The following SNTG1 variants were observed in gnomAD, a reference collection of about 807,000 sequenced individuals.
SNTG1 encodes syntrophin gamma 1.
In SNTG1, 39 loss-of-function variants were observed where a neutral mutation model predicts 74.7. That is an observed-to-expected ratio of 0.52 (90% CI 0.40 to 0.68). SNTG1 has a LOEUF of 0.68. SNTG1 is among the 30% of genes least tolerant of loss of function. The pLI, the probability that SNTG1 is intolerant of heterozygous loss-of-function variation, is 0.00. For missense variants in SNTG1, 685 were observed against 609.5 expected, an observed-to-expected ratio of 1.12 and a Z score of -1.30; for synonymous variants, 254 against 217.1, an observed-to-expected ratio of 1.17 and a Z score of -1.49.
At chr8:50,704,205 A>G (rs967822415) in intron 15 of SNTG1, among the ~76,000 whole-genome samples, 2 of 152,174 alleles carry the variant, frequency 1.3e-5, no homozygotes, top group African/African-American at 4.8e-5. Context: ...TTGCTTATAA[A>G]GTTCCTTAAA....
intron 18 of SNTG1, among the ~76,000 whole-genome samples, chr8:50,780,258 G>C (rs6473368): frequency 6.6e-6 from 1 of 151,920 alleles, no homozygotes; most frequent in Non-Finnish European, 1.5e-5. Flanking sequence ...CTATTGGTTG[G>C]AATAGTTTCA....
At chr8:50,326,128 C>T (rs1056591207) in intron 2 of SNTG1, among the ~76,000 whole-genome samples, 5 of 151,908 alleles carry the variant, frequency 3.3e-5, no homozygotes, top group African/African-American at 1.2e-4. Flanking sequence ...TATTTGCTGT[C>T]ATTTTGTTCA....
chr8:50,700,366 G>T (rs1271742578), intron 15 of SNTG1, among the ~76,000 whole-genome samples: 4 of 152,162 alleles, frequency 2.6e-5, no homozygotes, highest in African/African-American at 4.8e-5. Flanking sequence ...TAGTGTCAAT[G>T]ATTTTAGATG....
At chr8:50,674,842 C>G (rs1317671716) in intron 15 of SNTG1, among the ~76,000 whole-genome samples, 1 of 152,010 alleles carries the variant, frequency 6.6e-6, no homozygotes, top group East Asian at 1.9e-4. Flanking sequence ...TTAGCTATGT[C>G]CCAGAGATTC....
intron 15 of SNTG1, among the ~76,000 whole-genome samples, chr8:50,702,890 T>G (rs552748629): frequency 6.6e-6 from 1 of 152,148 alleles, no homozygotes; most frequent in African/African-American, 2.4e-5. Context: ...TTTAAACACA[T>G]CTACACATAG....
intron 2 of SNTG1, among the ~76,000 whole-genome samples, chr8:50,284,918 A>T (rs1586956454): frequency 6.6e-6 from 1 of 151,792 alleles, no homozygotes; most frequent in African/African-American, 2.4e-5. Context: ...ATCAATGTTT[A>T]TTTTTTTTAC....
intron 2 of SNTG1, among the ~76,000 whole-genome samples, chr8:50,181,587 T>C (rs1373432869): frequency 6.6e-6 from 1 of 152,198 alleles, no homozygotes; most frequent in Non-Finnish European, 1.5e-5. Flanking sequence ...CAACAAGTTA[T>C]TTTGAGTATT....
At chr8:50,459,598 G>A (rs1447319497) in intron 8 of SNTG1, among the ~76,000 whole-genome samples, 1 of 152,016 alleles carries the variant, frequency 6.6e-6, no homozygotes, top group Non-Finnish European at 1.5e-5. Context: ...ATGTTGCTGA[G>A]GTTTTGGGTA....
intron 2 of SNTG1, among the ~76,000 whole-genome samples, chr8:50,194,883 T>A (rs1403208405): frequency 6.6e-6 from 1 of 152,074 alleles, no homozygotes; most frequent in Non-Finnish European, 1.5e-5. Context: ...TGTCATTCAG[T>A]TCGAAGAATT....
chr8:50,549,047 G>C (rs935588414), intron 11 of SNTG1, among the ~76,000 whole-genome samples: 3 of 152,172 alleles, frequency 2.0e-5, no homozygotes, highest in African/African-American at 7.2e-5. Context: ...GAGTACTGGG[G>C]AGAAAGACGC....
chr8:50,385,751 G>C lies in SNTG1; in HGVS notation c.-27-8461G>C, dbSNP rs547889453. 1.3e-4 allele frequency among the ~76,000 whole-genome samples: 20 copies of C among 152,228 alleles called. No individual in the cohort carries two copies. In the East Asian group the frequency reaches 2.7e-3, roughly 21 times the overall value. Reference sequence around the variant, plus strand: ...GACAGGAATGGAGAAAAAGGGATTTGGCAGGTCAATAGCTGCATGCCAGGT... The same window carrying C: ...GACAGGAATGGAGAAAAAGGGATTTCGCAGGTCAATAGCTGCATGCCAGGT... On this transcript the variant is annotated intron_variant, in intron 2 of 18. Transcript: ENST00000642720.
In SNTG1 at chr8:49,983,054, T is replaced by A. The variant is rs1054147665; in HGVS notation, c.-103+70823T>A. Among the ~76,000 whole-genome samples the A allele has an allele frequency of 2.0e-5, 3 of 152,212 alleles. 1 individual carries two copies. The highest frequency in any genetic ancestry group is 7.2e-5 in the African/African-American group (3 of 41,462). On this transcript the variant is annotated intron_variant, in intron 1 of 18. Coordinates refer to ENST00000642720, the MANE Select transcript of SNTG1 (RefSeq NM_018967.5). Reference sequence around the variant, plus strand: ...CCTTTATAAATGCAGTTTCCTCTCATCCCTACCCAAAGGATGCTTCAGGAA... The same window carrying A: ...CCTTTATAAATGCAGTTTCCTCTCAACCCTACCCAAAGGATGCTTCAGGAA...
chr8:50,736,262 C>T (rs1285970704), intron 17 of SNTG1, among the ~76,000 whole-genome samples: 1 of 151,878 alleles, frequency 6.6e-6, no homozygotes, highest in Admixed American at 6.6e-5. Context: ...CTCAAATTCA[C>T]ACCTAACAAT....
At chr8:49,946,435 A>G (rs904446588) in intron 1 of SNTG1, among the ~76,000 whole-genome samples, 2 of 152,194 alleles carry the variant, frequency 1.3e-5, no homozygotes, top group South Asian at 4.1e-4. Flanking sequence ...GGATATATAC[A>G]CATACCAAGG....
chr8:50,656,471 C>A (rs2095181965), intron 13 of SNTG1, among the ~76,000 whole-genome samples: 1 of 152,102 alleles, frequency 6.6e-6, no homozygotes. Context: ...AGTGGTATTG[C>A]CATAAGATGT....
chr8:49,962,567 A>G (rs1203150329), intron 1 of SNTG1, among the ~76,000 whole-genome samples: 2 of 151,664 alleles, frequency 1.3e-5, no homozygotes, highest in African/African-American at 4.8e-5. Context: ...TCAGATAGAG[A>G]CAGTAGATGC....
rs117487173 is a variant in SNTG1 at position 50,047,508 on chromosome 8, A to G, written c.-102-125053A>G. Among the ~76,000 whole-genome samples, 20 of 152,324 alleles carry G rather than the reference A, an allele frequency of 1.3e-4. No individual in the cohort carries two copies. The East Asian group carries it at 3.5e-3, about 26-fold the overall frequency. On this transcript the variant is annotated intron_variant, in intron 1 of 18. Coordinates refer to ENST00000642720, the MANE Select transcript of SNTG1 (RefSeq NM_018967.5). Reference sequence around the variant, plus strand: ...GAAGGACTCAAAATTAAGAGATACTAGGTAATCATAAAAAGCTATTTTAAT... The same window carrying G: ...GAAGGACTCAAAATTAAGAGATACTGGGTAATCATAAAAAGCTATTTTAAT...
At chr8:50,604,681 G>A (rs1251611018) in intron 13 of SNTG1, among the ~76,000 whole-genome samples, 1 of 152,130 alleles carries the variant, frequency 6.6e-6, no homozygotes, top group Admixed American at 6.5e-5. Context: ...GTTCAGAAAT[G>A]TCCAAGAGTC....
chr8:50,281,785 C>T (rs1218912732), intron 2 of SNTG1, among the ~76,000 whole-genome samples: 4 of 152,180 alleles, frequency 2.6e-5, no homozygotes, highest in Non-Finnish European at 4.4e-5. Context: ...AAAGTAGTCT[C>T]ACTAAACTTC....
Sources: allele counts gnomAD v4.1 joint callset (sites outside exome capture counted in the v4.1 genomes callset), GRCh38; gene constraint gnomAD v4.1.1; transcripts MANE v1.5; gene names NCBI Gene and HGNC (gene_info 2026-07-23, HGNC 2026-07-21).